The following CD163L1 variants were observed in gnomAD, a reference collection of about 807,000 sequenced individuals.
CD163L1 encodes scavenger receptor cysteine-rich type 1 protein M160.
CD163L1 carries 124 observed loss-of-function variants against 165.4 expected under a neutral mutation model. The ratio of observed to expected loss-of-function variants is 0.75; its 90% CI spans 0.65 to 0.87. The LOEUF is 0.87. Ranked by LOEUF, CD163L1 falls within the 40% of genes least tolerant of loss-of-function variation. The probability of loss-of-function intolerance (pLI) is 0.00; values close to 1 mark genes in which losing one functional copy is unlikely to be tolerated. For synonymous variants in CD163L1, 585 were observed against 662.2 expected (o/e 0.88, Z 1.79); for missense variants, 1,525 against 1,799.9 (o/e 0.85, Z 2.76).
intron 7 of CD163L1, among the ~76,000 whole-genome samples, chr12:7,396,857 A>AGAGC (rs200702264): frequency 9.0e-6 from 1 of 111,048 alleles, no homozygotes; most frequent in Non-Finnish European, 2.0e-5. Context: ...ACACACACAC[A>AGAGC]GAGAGAGAGA....
chr12:7,338,923 C>T, the CD163L1 span, among the ~76,000 whole-genome samples: 1 of 152,160 alleles, frequency 6.6e-6, no homozygotes, highest in Non-Finnish European at 1.5e-5. Context: ...TGTTCCTTGG[C>T]TCTATGCTGT....
rs763893368 is a variant in CD163L1, at chr12:7,372,913, A to G, written c.3730+407T>C. ...ATAATCAACTAACTTCCCATAGTAAAATGTTCTGCAGGAAAAAATAGAGCT... is the reference window on the plus strand; with the variant it reads ...ATAATCAACTAACTTCCCATAGTAAGATGTTCTGCAGGAAAAAATAGAGCT... On this transcript the variant is annotated intron_variant, in intron 14 of 19. Coordinates refer to ENST00000313599, the MANE Select transcript of CD163L1 (RefSeq NM_174941.6). The surrounding 1 kb of genome is among the most constrained non-coding windows in gnomAD (Gnocchi z 4.2). Among the ~76,000 whole-genome samples, 1 of 152,278 alleles carries G rather than the reference A, an allele frequency of 6.6e-6. No individual in the cohort carries two copies. Among genetic ancestry groups the G allele is most frequent in the South Asian group, 2.1e-4 (1 of 4,824 alleles).
intron 2 of CD163L1, chr12:7,439,884 G>C: frequency 6.2e-7 from 1 of 1,606,424 alleles, no homozygotes; most frequent in East Asian, 2.2e-5. Flanking sequence ...CATTATCCCC[G>C]CCCACTACTC....
intron 4 of CD163L1, among the ~76,000 whole-genome samples, chr12:7,412,943 A>C (rs1401494619): frequency 6.6e-6 from 1 of 151,954 alleles, no homozygotes; most frequent in African/African-American, 2.4e-5. Flanking sequence ...AAAAATACAA[A>C]AAATTAGCCA....
At chr12:7,381,000 T>A (rs1947395186) in intron 8 of CD163L1, among the ~76,000 whole-genome samples, 1 of 152,126 alleles carries the variant, frequency 6.6e-6, no homozygotes, top group Non-Finnish European at 1.5e-5. Flanking sequence ...CCTACTAATT[T>A]GAGAATATAT....
intron 2 of CD163L1, among the ~76,000 whole-genome samples, chr12:7,437,357 T>C (rs1948751810): frequency 9.2e-6 from 1 of 109,242 alleles, no homozygotes; most frequent in African/African-American, 3.2e-5. Context: ...TTTATATTTA[T>C]TAAGTTCTAG....
At chr12:7,346,634 A>G (rs1946672064), downstream of CD163L1, 1 of 152,214 alleles carries the variant, frequency 6.6e-6, no homozygotes, top group Admixed American at 6.5e-5. Flanking sequence ...GGAGACCAAG[A>G]GCTCTAAAAT....
chr12:7,438,872 A>T, intron 2 of CD163L1: 1 of 1,581,726 alleles, frequency 6.3e-7, no homozygotes, highest in Non-Finnish European at 8.7e-7. Context: ...AAGCTTCTCT[A>T]ACTCTGCAGC....
At chr12:7,391,250 C>A (rs1947647989) in intron 8 of CD163L1, among the ~76,000 whole-genome samples, 1 of 152,126 alleles carries the variant, frequency 6.6e-6, no homozygotes, top group African/African-American at 2.4e-5. Context: ...GATAAAACTG[C>A]AAAGATGGGG....
intron 2 of CD163L1, among the ~76,000 whole-genome samples, chr12:7,440,262 C>G (rs1346767435): frequency 6.6e-6 from 1 of 151,920 alleles, no homozygotes; most frequent in African/African-American, 2.4e-5. Flanking sequence ...CCGCGAAGCT[C>G]AGGAGCGCCC....
intron 1 of CD163L1, 42 bp downstream of exon 1, chr12:7,444,055 C>T (rs1295326518): frequency 6.3e-7 from 1 of 1,598,502 alleles, no homozygotes; most frequent in African/African-American, 1.3e-5. Flanking sequence ...AGTATACCCA[C>T]CATCTCCCAA....
chr12:7,432,155 G>GA lies in CD163L1; in HGVS notation c.766+260dup, dbSNP rs1351763106. Among the ~76,000 whole-genome samples the GA allele has an allele frequency of 5.3e-5, 8 of 152,200 alleles. No individual in the cohort carries two copies. In the South Asian group the frequency reaches 1.2e-3, roughly 24 times the overall value. On this transcript the variant is annotated intron_variant, in intron 4 of 19. Coordinates refer to ENST00000313599, the MANE Select transcript of CD163L1 (RefSeq NM_174941.6). The surrounding 1 kb of genome is among the most constrained non-coding windows in gnomAD (Gnocchi z 4.2). ...AGAAGTTATTTGAAAAAGGTTTTTA[G>GA]AAAAAAGATTTGATCGGCCTATGGA...
At chr12:7,428,370 G>T (rs1948578163) in intron 4 of CD163L1, among the ~76,000 whole-genome samples, 1 of 151,926 alleles carries the variant, frequency 6.6e-6, no homozygotes, top group Non-Finnish European at 1.5e-5. Flanking sequence ...CATATCGTTT[G>T]CCCAGTAGAT....
the CD163L1 span, chr12:7,322,401 C>G: frequency 6.2e-7 from 1 of 1,613,214 alleles, no homozygotes; most frequent in South Asian, 1.1e-5. Flanking sequence ...AAGACCCATG[C>G]AACTCTGTCT....
intron 14 of CD163L1, among the ~76,000 whole-genome samples, chr12:7,370,206 G>A (rs191929477): frequency 5.9e-5 from 9 of 152,128 alleles, no homozygotes; most frequent in Middle Eastern, 3.4e-3. Flanking sequence ...GTGACCTCTC[G>A]TCACATGGCT....
chr12:7,357,299 T>C, intron 19 of CD163L1, 81 bp downstream of exon 19: 1 of 841,594 alleles, frequency 1.2e-6, no homozygotes, highest in Non-Finnish European at 1.9e-6. Context: ...GTAATATAAA[T>C]ATTGGAAAAA....
Position 7,406,520 on chromosome 12 carries a change from T to G in CD163L1, c.1087+12A>C, listed in dbSNP as rs1462057542. ...ATTTTATCTGATGTAATCATGTGGATGTAAGTCTTACCTGAGCAGATCACA... is the reference window on the plus strand; with the variant it reads ...ATTTTATCTGATGTAATCATGTGGAGGTAAGTCTTACCTGAGCAGATCACA... On this transcript the variant is annotated intron_variant, in intron 5 of 19. Transcript: ENST00000313599. 5 of 1,608,430 alleles carry G rather than the reference T, an allele frequency of 3.1e-6. No homozygotes were observed. In the African/African-American group the frequency reaches 6.7e-5, roughly 22 times the overall value.
Position 7,433,694 on chromosome 12 carries a change from T to C in CD163L1, c.125A>G (p.Asn42Ser). The part of the protein sequence containing the change: ...LNSCFLISSF[N>S]GTDLELRLVN... ...CAGCCTCAACTCCAAATCTGTTCCA[T>C]CTGCAAGAAAGACAGAAACATACAT... is the stretch of plus-strand genomic sequence containing the variant. The change falls in exon 3 of 20, where the codon AAT becomes AGT. Residue 42 changes from asparagine (N) to serine (S), a missense_variant and splice_region_variant. Physicochemically the swap from Asn to Ser is conservative, Grantham distance 46. Coordinates refer to ENST00000313599, the MANE Select transcript of CD163L1 (RefSeq NM_174941.6). The C allele has an allele frequency of 6.2e-7, 1 of 1,601,996 alleles. No individual in the cohort carries two copies. The highest frequency in any genetic ancestry group is 1.1e-5 in the South Asian group (1 of 89,208).
chr12:7,421,048 T>TACATATATATATACGTGTATATATAC (rs1491151771), intron 4 of CD163L1, among the ~76,000 whole-genome samples: 1 of 85,880 alleles, frequency 1.2e-5, no homozygotes, highest in African/African-American at 7.8e-5. Context: ...TGTATATATA[T>TACATATATATATACGTGTATATATAC]GTATATACGT....
Sources: allele counts gnomAD v4.1 joint callset (sites outside exome capture counted in the v4.1 genomes callset), GRCh38; gene constraint gnomAD v4.1.1; non-coding constraint Gnocchi (gnomAD v3.1); transcripts MANE v1.5; gene names NCBI Gene and HGNC (gene_info 2026-07-23, HGNC 2026-07-21).